Variants in SPAG1 observed in about 807,000 individuals in gnomAD.
SPAG1 encodes the protein sperm-associated antigen 1.
A neutral mutation model predicts 100.5 loss-of-function variants in SPAG1; 69 were observed. The observed-to-expected ratio is 0.69, with a 90% confidence interval of 0.57 to 0.84. SPAG1 has a LOEUF of 0.84. Among genes scored for constraint, SPAG1 ranks in the 40% least tolerant of loss-of-function variants. The pLI is 0.00. For synonymous variants in SPAG1, 336 were observed against 411.6 expected, an observed-to-expected ratio of 0.82 and a Z score of 2.22; for missense variants, 955 against 1,133.1, an observed-to-expected ratio of 0.84 and a Z score of 2.26.
At chr8:100,228,493 G>A (rs894997381) in intron 14 of SPAG1, among the ~76,000 whole-genome samples, 5 of 151,572 alleles carry the variant, frequency 3.3e-5, no homozygotes, top group African/African-American at 9.7e-5. Context: ...TGGGCAGATC[G>A]CCAGAGCTCA....
At chr8:100,163,995 A>G (rs1235258917) in intron 2 of SPAG1, among the ~76,000 whole-genome samples, 2 of 152,164 alleles carry the variant, frequency 1.3e-5, no homozygotes, top group African/African-American at 4.8e-5. Flanking sequence ...ATTTATTTAT[A>G]TTTTTCTAGA....
chr8:100,234,249 G>C (rs1018786163), intron 16 of SPAG1, among the ~76,000 whole-genome samples: 12 of 152,090 alleles, frequency 7.9e-5, no homozygotes, highest in Non-Finnish European at 1.6e-4. Context: ...ATACAATGAA[G>C]TTCATACATT....
intron 4 of SPAG1, among the ~76,000 whole-genome samples, chr8:100,180,975 G>C (rs1194145597): frequency 6.6e-6 from 1 of 152,188 alleles, no homozygotes; most frequent in Non-Finnish European, 1.5e-5. Flanking sequence ...ATTTTGAGGA[G>C]TGCGAGAGTG....
chr8:100,164,230 TTC>T (rs578193434), intron 2 of SPAG1, among the ~76,000 whole-genome samples: 209 of 152,292 alleles, frequency 1.4e-3, no homozygotes, highest in Non-Finnish European at 1.7e-3. Context: ...GAAGTCCAAA[TTC>T]TCTTTCTGCT....
chr8:100,215,151 C>A (rs1817919827), intron 12 of SPAG1, among the ~76,000 whole-genome samples: 1 of 150,876 alleles, frequency 6.6e-6, no homozygotes, highest in Non-Finnish European at 1.5e-5. Flanking sequence ...TTTAACAAAT[C>A]TCTGCCTGTC....
At position 100,239,165 on chromosome 8, in the gene SPAG1, C is replaced by A; in HGVS notation, c.2116-75C>A. On this transcript the variant is annotated intron_variant, in intron 16 of 18. Transcript: ENST00000388798. This position sits in a 1 kb window ranked among gnomAD's most constrained non-coding sequence, Gnocchi z 5.0. ...CACATACTGCACAGCTCACTACATC[C>A]ACCCCACTCCCACTCAGGTTACTCT... 3.4e-6 allele frequency: 3 copies of A among 882,598 alleles called. No individual in the cohort carries two copies. The highest frequency in any genetic ancestry group is 5.2e-6 in the Non-Finnish European group (3 of 572,970). The allele number at this position is 882,598 out of a possible 1,614,324, so 54.7% of individuals were successfully genotyped here.
chr8:100,228,877 A>G (rs908694195), intron 14 of SPAG1, among the ~76,000 whole-genome samples: 5 of 152,230 alleles, frequency 3.3e-5, no homozygotes, highest in Admixed American at 2.6e-4. Flanking sequence ...AAATTTTAAT[A>G]TTTTGTGTAT....
At chr8:100,213,515 GCCTCCTGA>G (rs1817835032) in intron 11 of SPAG1, 87 bp downstream of exon 11, 1 of 1,068,140 alleles carries the variant, frequency 9.4e-7, no homozygotes, top group Non-Finnish European at 1.2e-6. Context: ...AGGCGCTGCC[GCCTCCTGA>G]ATGACAGGCG....
chr8:100,223,393 G>C (rs1392512531), intron 13 of SPAG1, among the ~76,000 whole-genome samples: 1 of 152,062 alleles, frequency 6.6e-6, no homozygotes, highest in African/African-American at 2.4e-5. Context: ...TTTTAAGACT[G>C]AGTCATTTTT....
intron 10 of SPAG1, among the ~76,000 whole-genome samples, chr8:100,200,070 T>C (rs1817206644): frequency 6.6e-6 from 1 of 152,170 alleles, no homozygotes. Flanking sequence ...TTACATTAGG[T>C]ATATCTCCTA....
intron 2 of SPAG1, among the ~76,000 whole-genome samples, chr8:100,163,898 T>C (rs181054735): frequency 1.3e-5 from 2 of 152,348 alleles, no homozygotes; most frequent in African/African-American, 4.8e-5. Context: ...ATAATAATGT[T>C]GGTTCCAAGA....
At chr8:100,187,835 A>G (rs1440397378) in intron 8 of SPAG1, among the ~76,000 whole-genome samples, 5 of 152,110 alleles carry the variant, frequency 3.3e-5, no homozygotes, top group African/African-American at 1.2e-4. Flanking sequence ...CTAGGTGGCT[A>G]TATATAATTT....
In SPAG1 at chr8:100,194,613, C is replaced by A. The variant is rs974078615; in HGVS notation, c.1096+345C>A. On this transcript the variant is annotated intron_variant, in intron 10 of 18. Coordinates refer to ENST00000388798, the MANE Select transcript of SPAG1 (RefSeq NM_003114.5). ...TTGTATATATCTACTTGATTGCAAA[C>A]AAATGTGTTGGTTTCAAAACAGGTA... 3.1e-5 allele frequency: 13 copies of A among 420,290 alleles called. No homozygotes were observed. The Admixed American group carries it at 5.0e-4, about 16-fold the overall frequency. 26.0% of individuals were successfully genotyped at this position (420,290 alleles called of 1,614,324 possible). A position where few individuals can be genotyped will look rare whatever the true frequency, so the allele number is the denominator to read the frequency against.
chr8:100,206,653 T>C (rs1817530741), intron 10 of SPAG1, among the ~76,000 whole-genome samples: 1 of 151,962 alleles, frequency 6.6e-6, no homozygotes, highest in Non-Finnish European at 1.5e-5. Flanking sequence ...TGAAGCAAGA[T>C]ATTCCTTCTA....
intron 17 of SPAG1, 37 bp from the exon 18 acceptor site, chr8:100,240,366 T>C (rs764634837): frequency 4.5e-6 from 7 of 1,545,590 alleles, no homozygotes; most frequent in Non-Finnish European, 6.1e-6. Flanking sequence ...GTGATTGTGG[T>C]TCAGTGTCAC....
At chr8:100,164,611 G>C (rs1219018142) in intron 2 of SPAG1, among the ~76,000 whole-genome samples, 2 of 152,224 alleles carry the variant, frequency 1.3e-5, no homozygotes, top group East Asian at 3.9e-4. Context: ...TTTTAGTAGA[G>C]AGTCCATTTC....
intron 11 of SPAG1, 60 bp downstream of exon 11, chr8:100,213,488 C>CG: frequency 1.6e-6 from 2 of 1,286,042 alleles, no homozygotes; most frequent in Non-Finnish European, 2.0e-6. Flanking sequence ...ACCCGACCTC[C>CG]GGGGCCCCCG....
chr8:100,197,784 G>A (rs1817096282), intron 10 of SPAG1, among the ~76,000 whole-genome samples: 1 of 152,194 alleles, frequency 6.6e-6, no homozygotes, highest in South Asian at 2.1e-4. Context: ...CCCGACTGGG[G>A]TATAACATAA....
rs1372714802 is a variant in SPAG1 at position 100,233,546 on chromosome 8, A to G, written c.2115+9A>G. The G allele has an allele frequency of 1.3e-6, 2 of 1,577,744 alleles. No homozygotes were observed. The highest frequency in any genetic ancestry group is 1.3e-5 in the African/African-American group (1 of 74,134). ...CTCATAAAGGACTCAAGGTGAGGAAATCTTCATTTTAATGCATAAACTTCA... is the reference window on the plus strand; with the variant it reads ...CTCATAAAGGACTCAAGGTGAGGAAGTCTTCATTTTAATGCATAAACTTCA... On this transcript the variant is annotated intron_variant, in intron 16 of 18. Coordinates refer to ENST00000388798, the MANE Select transcript of SPAG1 (RefSeq NM_003114.5).
Sources: allele counts gnomAD v4.1 joint callset (sites outside exome capture counted in the v4.1 genomes callset), GRCh38; gene constraint gnomAD v4.1.1; non-coding constraint Gnocchi (gnomAD v3.1); transcripts MANE v1.5; gene names NCBI Gene and HGNC (gene_info 2026-07-23, HGNC 2026-07-21).